The following RNF146 variants were observed in gnomAD, a reference collection of about 807,000 sequenced individuals.
RNF146 encodes the protein ring finger protein 146.
A neutral mutation model predicts 29.7 loss-of-function variants in RNF146; 11 were observed. The observed-to-expected ratio is 0.37, with a 90% CI of 0.23 to 0.61. RNF146 has a LOEUF of 0.61. RNF146 is among the 20% of genes least tolerant of loss of function. The pLI is 0.66. For missense variants in RNF146, 342 were observed against 438.9 expected (o/e 0.78, Z 1.97); for synonymous variants, 150 against 159.7 (o/e 0.94, Z 0.46).
intron 1 of RNF146, among the ~76,000 whole-genome samples, chr6:127,270,980 T>C (rs1475110078): frequency 2.0e-5 from 3 of 151,992 alleles, no homozygotes; most frequent in African/African-American, 7.3e-5. Flanking sequence ...CATGCCCAGC[T>C]AATTTTTGTA....
intron 1 of RNF146, among the ~76,000 whole-genome samples, chr6:127,274,599 TAGA>T (rs1316335750): frequency 2.0e-5 from 3 of 152,196 alleles, no homozygotes; most frequent in Non-Finnish European, 4.4e-5. Flanking sequence ...ACGAAATTTT[TAGA>T]AGAAATGTTT....
At chr6:127,269,393 C>G (rs547519051) in intron 1 of RNF146, among the ~76,000 whole-genome samples, 1 of 152,118 alleles carries the variant, frequency 6.6e-6, no homozygotes. Context: ...TAAGAAACAT[C>G]TGTGTGTGAT....
chr6:127,274,820 C>T (rs180678068), intron 1 of RNF146, among the ~76,000 whole-genome samples: 1 of 152,168 alleles, frequency 6.6e-6, no homozygotes, highest in African/African-American at 2.4e-5. Context: ...ACCTGTAATC[C>T]CAACACTTTG....
rs1408822540 is a variant in RNF146 at position 127,287,383 on chromosome 6, C to G, written c.770C>G (p.Thr257Arg). Residue 257 changes from threonine (T) to arginine (R), a missense_variant, in exon 3 of 3, where the codon ACA (threonine) becomes AGA (arginine). Thr to Arg is a moderately conservative substitution (Grantham distance 71). Coordinates refer to ENST00000368314, the MANE Select transcript of RNF146 (RefSeq NM_001242850.2). Reference protein sequence around the residue: ...FAHLQLSGDNTAERSHRGEGE... With the variant: ...FAHLQLSGDNRAERSHRGEGE... ...CATTTACAACTCAGTGGAGACAACA[C>G]AGCTGAAAGGAGTCATAGGGGAGAA... The G allele has an allele frequency of 6.2e-7, 1 of 1,613,438 alleles. No homozygotes were observed. Among genetic ancestry groups the G allele is most frequent in the Non-Finnish European group, 8.5e-7 (1 of 1,179,628 alleles).
At chr6:127,285,490 C>A in intron 2 of RNF146, 3 of 241,880 alleles carry the variant, frequency 1.2e-5, no homozygotes, top group Non-Finnish European at 2.0e-5. Flanking sequence ...TTTTACTTAT[C>A]AGTGGTTTAC....
At chr6:127,271,995 G>A (rs1001691948) in intron 1 of RNF146, among the ~76,000 whole-genome samples, 16 of 152,068 alleles carry the variant, frequency 1.1e-4, no homozygotes, top group African/African-American at 2.9e-4. Context: ...AATTGCATAC[G>A]TGGCTTGCAT....
intron 2 of RNF146, among the ~76,000 whole-genome samples, chr6:127,284,875 AT>A (rs552974208): frequency 5.6e-4 from 82 of 147,282 alleles, no homozygotes; most frequent in Middle Eastern, 3.5e-3. Flanking sequence ...ACATTATGTG[AT>A]TTTTTTTTTT....
At chr6:127,268,734 GCTGGTC>G (rs1777024993) in intron 1 of RNF146, among the ~76,000 whole-genome samples, 1 of 152,090 alleles carries the variant, frequency 6.6e-6, no homozygotes, top group African/African-American at 2.4e-5. Flanking sequence ...TCTCCAAATA[GCTGGTC>G]TTTTAGACAA....
intron 2 of RNF146, among the ~76,000 whole-genome samples, chr6:127,284,987 CT>C (rs1056576939): frequency 6.6e-6 from 1 of 151,844 alleles, no homozygotes; most frequent in African/African-American, 2.4e-5. Flanking sequence ...TTAGACACCC[CT>C]GACTTAGAAC....
chr6:127,282,542 G>GA (rs1315902529), intron 2 of RNF146: 2 of 151,706 alleles, frequency 1.3e-5, no homozygotes, highest in African/African-American at 4.8e-5. Flanking sequence ...GAATTTTGGT[G>GA]AATGTGTCAC....
chr6:127,283,309 G>T (rs1344118877), intron 2 of RNF146, among the ~76,000 whole-genome samples: 1 of 151,714 alleles, frequency 6.6e-6, no homozygotes, highest in East Asian at 1.9e-4. Flanking sequence ...AAATTTCTGT[G>T]TATTAAATTC....
chr6:127,280,483 C>A (rs1778783462), intron 2 of RNF146, 143 bp downstream of exon 2: 4 of 1,301,858 alleles, frequency 3.1e-6, no homozygotes, highest in South Asian at 2.2e-5. Flanking sequence ...GCTTTATTAA[C>A]AATTTATTTA....
In RNF146 at chr6:127,280,248, C is replaced by A; in HGVS notation, c.-91C>A. Reference sequence around the variant, plus strand: ...TTTTGCAGCACAAAGAATGAACCAGCAGTGGAAGAGAAAATACTGTAAGCT... The same window carrying A: ...TTTTGCAGCACAAAGAATGAACCAGAAGTGGAAGAGAAAATACTGTAAGCT... On this transcript the variant is annotated 5_prime_UTR_variant, in exon 2 of 3. Transcript: ENST00000368314. The A allele has an allele frequency of 8.2e-7, 1 of 1,213,476 alleles. No individual in the cohort carries two copies. The highest frequency in any genetic ancestry group is 1.2e-6 in the Non-Finnish European group (1 of 845,152). 75.2% of individuals were successfully genotyped at this position (1,213,476 alleles called of 1,614,324 possible). A position where few individuals can be genotyped will look rare whatever the true frequency, so the allele number is the denominator to read the frequency against.
chr6:127,270,656 G>C (rs1392559896), intron 1 of RNF146, among the ~76,000 whole-genome samples: 1 of 152,016 alleles, frequency 6.6e-6, no homozygotes, highest in Non-Finnish European at 1.5e-5. Flanking sequence ...TTGAACAAAG[G>C]TTTGAACCGT....
Position 127,276,697 on chromosome 6 carries a change from T to C in RNF146, c.-108-3534T>C, listed in dbSNP as rs573514517. Among the ~76,000 whole-genome samples the C allele has an allele frequency of 7.2e-5, 11 of 152,124 alleles. No homozygotes were observed. The South Asian group carries it at 2.3e-3, about 32-fold the overall frequency. ...TGAGTAGGCTGGAAGAACCAGAGCT[T>C]GTGATCTGAGAGTCGGATTAAGATT... On this transcript the variant is annotated intron_variant, in intron 1 of 2. Transcript: ENST00000368314.
chr6:127,278,985 C>G (rs981634195), intron 1 of RNF146, among the ~76,000 whole-genome samples: 2 of 151,626 alleles, frequency 1.3e-5, no homozygotes, highest in Non-Finnish European at 2.9e-5. Flanking sequence ...ATTGGTTTGT[C>G]TTTGTTGTTG....
At position 127,287,837 on chromosome 6, in the gene RNF146, T is replaced by C; in HGVS notation, c.*144T>C. On this transcript the variant is annotated 3_prime_UTR_variant, in exon 3 of 3. Transcript: ENST00000368314. ...GGGAAGGATAGACTCATAATTAAAA[T>C]GTCTAACATGTCTCTGTTGAGAAAT... is the stretch of plus-strand genomic sequence containing the variant. The C allele has an allele frequency of 5.1e-6, 3 of 585,852 alleles. No individual in the cohort carries two copies. The highest frequency in any genetic ancestry group is 6.2e-6 in the Non-Finnish European group (2 of 322,218). The allele number at this position is 585,852 out of a possible 1,614,324, so 36.3% of individuals were successfully genotyped here.
chr6:127,275,860 T>C (rs1778139776), intron 1 of RNF146, among the ~76,000 whole-genome samples: 1 of 152,106 alleles, frequency 6.6e-6, no homozygotes, highest in Non-Finnish European at 1.5e-5. Context: ...ATTATTAATC[T>C]ATGGGTGGTT....
At position 127,287,177 on chromosome 6, in the gene RNF146, T is replaced by C. The variant is rs1249309854; in HGVS notation, c.564T>C (p.Asn188=). ...VAGLRLDCDA[N]TVNLARESSA... ...GACTTAGGCTAGACTGTGATGCTAA[T>C]ACCGTAAACCTAGCAAGAGAGAGCT... Residue 188 remains asparagine, a synonymous_variant, in exon 3 of 3, where the codon AAT becomes AAC. Transcript: ENST00000368314. 3 of 1,613,310 alleles carry C rather than the reference T, an allele frequency of 1.9e-6. No homozygotes were observed. The Admixed American group carries it at 5.0e-5, about 27-fold the overall frequency.
Sources: gnomAD v4.1 joint callset for allele counts (sites outside exome capture counted in the v4.1 genomes callset) on GRCh38, gnomAD v4.1.1 for gene constraint, MANE v1.5 for transcripts, NCBI Gene and HGNC (gene_info 2026-07-23, HGNC 2026-07-21) for gene names.